The following CDH6 variants were observed in gnomAD, a reference collection of about 807,000 sequenced individuals.
CDH6 encodes cadherin 6.
In CDH6, 31 loss-of-function variants were observed where a neutral mutation model predicts 78.0. The observed-to-expected ratio is 0.40, with a 90% CI of 0.30 to 0.54. The LOEUF is 0.54. CDH6 is among the 20% of genes least tolerant of loss of function. The pLI is 0.56. For missense variants in CDH6, 724 were observed against 975.9 expected (o/e 0.74, Z 3.44); for synonymous variants, 376 against 368.8 (o/e 1.02, Z -0.23).
intron 1 of CDH6, among the ~76,000 whole-genome samples, chr5:31,235,163 A>C (rs1314583890): frequency 6.6e-6 from 1 of 151,948 alleles, no homozygotes; most frequent in African/African-American, 2.4e-5. Flanking sequence ...TCCTACTACC[A>C]TATAATCAAT....
rs1303955572 is a variant in CDH6, at chr5:31,302,800, GAA to G, written c.999+504_999+505del. Among the ~76,000 whole-genome samples the G allele has an allele frequency of 1.1e-3, 64 of 59,736 alleles. 1 individual carries two copies. Among genetic ancestry groups the G allele is most frequent in the Admixed American group, 1.5e-3 (9 of 5,946 alleles). The allele number at this position is 59,736 out of a possible 152,430, so 39.2% of individuals were successfully genotyped here. ...AGAAAGAGAGAGAGAGAGAGAGAGAGAAAGAAAGAAAGAAAGAAAGAAAGAAA... is the reference window on the plus strand; with the variant it reads ...AGAAAGAGAGAGAGAGAGAGAGAGAGAGAAAGAAAGAAAGAAAGAAAGAAA... On this transcript the variant is annotated intron_variant, in intron 6 of 11. Coordinates refer to ENST00000265071, the MANE Select transcript of CDH6 (RefSeq NM_004932.4).
Position 31,317,417 on chromosome 5 carries a change from A to C in CDH6, c.1555A>C (p.Ser519Arg). The change falls in exon 10 of 12, where the codon AGT (serine) becomes CGT (arginine). Residue 519 changes from serine to arginine, a missense_variant. This residue lies in a region of CDH6 where 446 missense variants were observed against 684.5 expected (regional missense o/e 0.65). Coordinates refer to ENST00000265071, the MANE Select transcript of CDH6 (RefSeq NM_004932.4). ...TGCTGTTGACAAGGATGACCCTTAT[A>C]GTGGACACCAATTTTCGTTTTCCTT... ...LHAVDKDDPY[S>R]GHQFSFSLAP... 2 of 1,610,678 alleles carry C rather than the reference A, an allele frequency of 1.2e-6. No individual in the cohort carries two copies. The highest frequency in any genetic ancestry group is 1.7e-6 in the Non-Finnish European group (2 of 1,176,898).
chr5:31,262,764 C>A (rs999665672), intron 1 of CDH6, among the ~76,000 whole-genome samples: 2 of 152,146 alleles, frequency 1.3e-5, no homozygotes, highest in African/African-American at 4.8e-5. Flanking sequence ...CATGCCCTTA[C>A]TTCTTTCCCC....
intron 8 of CDH6, among the ~76,000 whole-genome samples, chr5:31,314,049 G>T (rs966984971): frequency 2.3e-4 from 35 of 152,162 alleles, no homozygotes; most frequent in Admixed American, 4.6e-4. Flanking sequence ...GAACAATAGT[G>T]CCAAAAGAAT....
chr5:31,281,960 A>G (rs1742877486), intron 2 of CDH6, among the ~76,000 whole-genome samples: 1 of 152,192 alleles, frequency 6.6e-6, no homozygotes, highest in Non-Finnish European at 1.5e-5. Context: ...CCCTGGAGTC[A>G]TTGTGAGAAT....
intron 1 of CDH6, among the ~76,000 whole-genome samples, chr5:31,197,755 T>G (rs534877845): frequency 1.3e-5 from 2 of 152,334 alleles, no homozygotes; most frequent in Admixed American, 1.3e-4. Context: ...CTTCTTCGTT[T>G]TTTTCATGTT....
At position 31,240,928 on chromosome 5, in the gene CDH6, T is replaced by A. The variant is rs376582657; in HGVS notation, c.-128-26418T>A. The stretch of plus-strand genomic sequence containing the variant: ...CAAATTCCTTAACTTTCTGATTGCC[T>A]TGTCATTTTTATAGTCCAGGCTAGT... On this transcript the variant is annotated intron_variant, in intron 1 of 11. Transcript: ENST00000265071. Among the ~76,000 whole-genome samples, 3 of 152,350 alleles carry A rather than the reference T, an allele frequency of 2.0e-5. No individual in the cohort carries two copies. In the South Asian group the frequency reaches 6.2e-4, roughly 32 times the overall value.
rs567931597 is a variant in CDH6, at chr5:31,221,435, T to C, written c.-129+27549T>C. ...CACGCAACAGCTCCAAGTAATGGAA[T>C]CTTGGAATTAAGAGAGAAATCATTC... On this transcript the variant is annotated intron_variant, in intron 1 of 11. Coordinates refer to ENST00000265071, the MANE Select transcript of CDH6 (RefSeq NM_004932.4). Among the ~76,000 whole-genome samples the C allele has an allele frequency of 1.3e-3, 202 of 152,348 alleles. 1 individual carries two copies. Among genetic ancestry groups the C allele is most frequent in the African/African-American group, 4.6e-3 (192 of 41,578 alleles).
rs1175198444 is a variant in CDH6 at position 31,325,380 on chromosome 5, G to A, written c.*2072G>A. The A allele has an allele frequency of 4.3e-6, 1 of 230,444 alleles. No homozygotes were observed. The highest frequency in any genetic ancestry group is 8.6e-6 in the Non-Finnish European group (1 of 116,848). 14.3% of individuals were successfully genotyped at this position (230,444 alleles called of 1,614,324 possible). On this transcript the variant is annotated 3_prime_UTR_variant, in exon 12 of 12. Transcript: ENST00000265071. ...CGAATGCAAACAAAAGGCTATATGA[G>A]GTCTTCACTCTAATGAATTGATATG...
chr5:31,270,654 G>A (rs1017818871), intron 2 of CDH6, among the ~76,000 whole-genome samples: 7 of 152,048 alleles, frequency 4.6e-5, no homozygotes, highest in African/African-American at 1.4e-4. Flanking sequence ...GAGGTCACGT[G>A]CTGCTTATTT....
chr5:31,234,166 GTTTT>G (rs376648992), intron 1 of CDH6, among the ~76,000 whole-genome samples: 1 of 151,758 alleles, frequency 6.6e-6, no homozygotes, highest in Non-Finnish European at 1.5e-5. Flanking sequence ...GTATTTAAAG[GTTTT>G]TTTTATTCTT....
chr5:31,328,455 A>C lies in CDH6; in HGVS notation c.*5147A>C, dbSNP rs560889427. 5.3e-5 allele frequency: 11 copies of C among 207,248 alleles called. No homozygotes were observed. The highest frequency in any genetic ancestry group is 9.9e-5 in the Non-Finnish European group (10 of 101,428). The allele number at this position is 207,248 out of a possible 1,614,324, so 12.8% of individuals were successfully genotyped here. A position where few individuals can be genotyped will look rare whatever the true frequency, so the allele number is the denominator to read the frequency against. ...GCATTCGTGGGGAATGCTGTGTAGCAAATGTAAAACTGACCTGCTCGGAAG... is the reference window on the plus strand; with the variant it reads ...GCATTCGTGGGGAATGCTGTGTAGCCAATGTAAAACTGACCTGCTCGGAAG... On this transcript the variant is annotated 3_prime_UTR_variant, in exon 12 of 12. Transcript: ENST00000265071.
At chr5:31,231,913 A>G (rs1741320268) in intron 1 of CDH6, among the ~76,000 whole-genome samples, 1 of 152,240 alleles carries the variant, frequency 6.6e-6, no homozygotes, top group Non-Finnish European at 1.5e-5. Flanking sequence ...TTGCTCTTAG[A>G]AGAAAAATAT....
At chr5:31,241,768 A>G (rs1041402233) in intron 1 of CDH6, among the ~76,000 whole-genome samples, 2 of 152,230 alleles carry the variant, frequency 1.3e-5, no homozygotes, top group Non-Finnish European at 2.9e-5. Flanking sequence ...CTTTCTTCAC[A>G]GTCCACTAAT....
At chr5:31,302,791 AGAGAGAG>A (rs1488631710) in intron 6 of CDH6, among the ~76,000 whole-genome samples, 37 of 60,292 alleles carry the variant, frequency 6.1e-4, no homozygotes, top group African/African-American at 1.4e-3. Context: ...AGAGAGAGAG[AGAGAGAG>A]AGAAAGAAAG....
chr5:31,222,576 A>G (rs1435028317), intron 1 of CDH6, among the ~76,000 whole-genome samples: 5 of 152,150 alleles, frequency 3.3e-5, no homozygotes, highest in African/African-American at 1.2e-4. Context: ...CTGGGTGCCA[A>G]GTTCAGTGCT....
At chr5:31,303,034 C>G (rs1359148095) in intron 6 of CDH6, among the ~76,000 whole-genome samples, 1 of 151,732 alleles carries the variant, frequency 6.6e-6, no homozygotes, top group African/African-American at 2.4e-5. Flanking sequence ...TTTCAGGAAC[C>G]TAAAATGATA....
chr5:31,318,290 T>C (rs1738384584), intron 11 of CDH6: 1 of 477,128 alleles, frequency 2.1e-6, no homozygotes, highest in African/African-American at 1.9e-5. Context: ...ATGGAGTGTA[T>C]GATGAGGGCC....
At chr5:31,260,335 T>C (rs1178727392) in intron 1 of CDH6, among the ~76,000 whole-genome samples, 1 of 152,224 alleles carries the variant, frequency 6.6e-6, no homozygotes, top group Non-Finnish European at 1.5e-5. Flanking sequence ...CACCTTGACA[T>C]GTGGCATGCC....
Sources: allele counts gnomAD v4.1 joint callset (sites outside exome capture counted in the v4.1 genomes callset), GRCh38; gene constraint gnomAD v4.1.1; regional missense constraint gnomAD v4.1.1; transcripts MANE v1.5; gene names NCBI Gene and HGNC (gene_info 2026-07-23, HGNC 2026-07-21).